OSBPL6: variants seen among roughly 807,000 people sequenced by gnomAD.
OSBPL6 encodes oxysterol binding protein like 6, also known as oxysterol-binding protein-related protein 6.
A neutral mutation model predicts 125.8 loss-of-function variants in OSBPL6; 49 were observed. The observed-to-expected ratio is 0.39, with a 90% CI of 0.31 to 0.49. The LOEUF is 0.49. Ranked by LOEUF, OSBPL6 falls within the 20% of genes least tolerant of loss-of-function variation. OSBPL6 has a pLI of 0.88. For missense variants in OSBPL6, 986 were observed against 1,135.4 expected, an observed-to-expected ratio of 0.87 and a Z score of 1.89; for synonymous variants, 394 against 391.8, an observed-to-expected ratio of 1.01 and a Z score of -0.07.
At chr2:178,194,218 A>T (rs2088697996), upstream of OSBPL6, among the ~76,000 whole-genome samples, 1 of 152,082 alleles carries the variant, frequency 6.6e-6, no homozygotes, top group African/African-American at 2.4e-5. Flanking sequence ...TCGGGACACC[A>T]CGGGTTCCCA....
At chr2:178,305,779 A>C (rs1170615206) in intron 2 of OSBPL6, among the ~76,000 whole-genome samples, 1 of 152,182 alleles carries the variant, frequency 6.6e-6, no homozygotes, top group Non-Finnish European at 1.5e-5. Context: ...TTTAAAACAA[A>C]GAAAATGCAA....
At chr2:178,332,604 T>C (rs1271983651) in intron 6 of OSBPL6, 37 bp from the exon 7 acceptor site, 1 of 1,437,038 alleles carries the variant, frequency 7.0e-7, no homozygotes, top group South Asian at 1.2e-5. Flanking sequence ...TCAAATCATA[T>C]ATCCTTTCAG....
intron 9 of OSBPL6, 94 bp from the exon 10 acceptor site, chr2:178,338,897 T>C: frequency 1.3e-6 from 1 of 782,968 alleles, no homozygotes; most frequent in Non-Finnish European, 2.1e-6. Flanking sequence ...ATCTGCCTAC[T>C]TATATTTGCC....
intron 5 of OSBPL6, among the ~76,000 whole-genome samples, chr2:178,330,332 T>C (rs1689089571): frequency 6.6e-6 from 1 of 152,248 alleles, no homozygotes; most frequent in African/African-American, 2.4e-5. Context: ...AGCAACTTTC[T>C]AGACCGTGCC....
intron 12 of OSBPL6, among the ~76,000 whole-genome samples, chr2:178,350,400 G>A (rs59909690): frequency 0.031 from 4,780 of 152,108 alleles, 237 homozygotes; most frequent in African/African-American, 0.11. Context: ...ATTGCTTTTC[G>A]TCACAAATAT....
At chr2:178,364,196 T>C (rs1437967154) in intron 13 of OSBPL6, among the ~76,000 whole-genome samples, 3 of 152,214 alleles carry the variant, frequency 2.0e-5, no homozygotes, top group Non-Finnish European at 4.4e-5. Flanking sequence ...GAATTACTCT[T>C]AAGAGTAGCT....
At chr2:178,390,612 A>G (rs1240319751) in intron 21 of OSBPL6, among the ~76,000 whole-genome samples, 2 of 152,234 alleles carry the variant, frequency 1.3e-5, no homozygotes, top group Non-Finnish European at 2.9e-5. Flanking sequence ...AAACTCCCAT[A>G]GACTTCTTAT....
At chr2:178,238,050 C>G (rs2091133229) in intron 1 of OSBPL6, among the ~76,000 whole-genome samples, 1 of 152,196 alleles carries the variant, frequency 6.6e-6, no homozygotes. Context: ...TTGTCTGCAA[C>G]TTTTAACACT....
chr2:178,283,794 A>G (rs1273233837), intron 1 of OSBPL6, among the ~76,000 whole-genome samples: 1 of 152,206 alleles, frequency 6.6e-6, no homozygotes, highest in Non-Finnish European at 1.5e-5. Flanking sequence ...GAGAGCTGTT[A>G]TGCAGAGATC....
At chr2:178,289,612 C>T (rs1481337415) in intron 2 of OSBPL6, among the ~76,000 whole-genome samples, 3 of 152,134 alleles carry the variant, frequency 2.0e-5, no homozygotes, top group African/African-American at 7.2e-5. Context: ...ATTCAAATTT[C>T]CCTGATTGTC....
In OSBPL6 at chr2:178,324,257, C is replaced by A; in HGVS notation, c.183C>A (p.Val61=). The change falls in exon 4 of 25, where the codon GTC becomes GTA. Residue 61 remains valine, a synonymous_variant. Coordinates refer to ENST00000190611, the MANE Select transcript of OSBPL6 (RefSeq NM_032523.4). ...GGCAATTGCTAGAACCGGAGCCAGT[C>A]CCCCTCTCCAAGGTCAGTGATGAAA... ...VSRQLLEPEP[V]PLSKEADSWE... 4 of 1,569,456 alleles carry A rather than the reference C, an allele frequency of 2.5e-6. No homozygotes were observed. In the East Asian group the frequency reaches 6.9e-5, roughly 27 times the overall value.
chr2:178,268,461 A>G (rs1182587823), intron 1 of OSBPL6, among the ~76,000 whole-genome samples: 1 of 152,146 alleles, frequency 6.6e-6, no homozygotes, highest in Non-Finnish European at 1.5e-5. Context: ...TTTTATATCT[A>G]TATGGATACA....
intron 2 of OSBPL6, among the ~76,000 whole-genome samples, chr2:178,285,802 C>A (rs1037371918): frequency 7.9e-5 from 12 of 152,196 alleles, no homozygotes; most frequent in Non-Finnish European, 1.6e-4. Flanking sequence ...TGGCATTAAT[C>A]GTCTTCGGGA....
At position 178,276,938 on chromosome 2, in the gene OSBPL6, A is replaced by G. The variant is rs983423196; in HGVS notation, c.-350-7989A>G. Among the ~76,000 whole-genome samples the G allele has an allele frequency of 5.3e-5, 8 of 152,118 alleles. No homozygotes were observed. The South Asian group carries it at 1.0e-3, about 20-fold the overall frequency. On this transcript the variant is annotated intron_variant, in intron 1 of 24. Transcript: ENST00000190611. ...AGTCAGCAAACTGCAGTAGGTGCCC[A>G]CCACTTTTTTATAAGTAAGGTTTTG...
chr2:178,256,955 C>T (rs2091905382), intron 1 of OSBPL6, among the ~76,000 whole-genome samples: 1 of 152,054 alleles, frequency 6.6e-6, no homozygotes, highest in East Asian at 1.9e-4. Flanking sequence ...GATAGTGTCA[C>T]CTGACTAAGC....
intron 1 of OSBPL6, among the ~76,000 whole-genome samples, chr2:178,247,926 G>A (rs2091551684): frequency 6.6e-6 from 1 of 152,096 alleles, no homozygotes; most frequent in African/African-American, 2.4e-5. Flanking sequence ...GAAGTTTGTG[G>A]TATTCTCTGT....
At chr2:178,246,313 GT>G (rs2091488845) in intron 1 of OSBPL6, among the ~76,000 whole-genome samples, 1 of 152,160 alleles carries the variant, frequency 6.6e-6, no homozygotes, top group Non-Finnish European at 1.5e-5. Flanking sequence ...TCTCCATGCA[GT>G]CTCTGACTAT....
chr2:178,233,896 A>C (rs912227290), intron 1 of OSBPL6, among the ~76,000 whole-genome samples: 1 of 152,166 alleles, frequency 6.6e-6, no homozygotes, highest in African/African-American at 2.4e-5. Flanking sequence ...AATATTATTC[A>C]CAGTAGACAC....
chr2:178,335,103 A>G (rs1689561195), intron 8 of OSBPL6, among the ~76,000 whole-genome samples: 1 of 152,214 alleles, frequency 6.6e-6, no homozygotes, highest in Non-Finnish European at 1.5e-5. Flanking sequence ...TCTTTAAAAA[A>G]TATAAATTTT....
Sources: allele counts gnomAD v4.1 joint callset (sites outside exome capture counted in the v4.1 genomes callset), GRCh38; gene constraint gnomAD v4.1.1; transcripts MANE v1.5; gene names NCBI Gene and HGNC (gene_info 2026-07-23, HGNC 2026-07-21).